Variants in MAGEA11 observed in about 807,000 individuals in gnomAD.
The protein encoded by MAGEA11 is MAGE family member A11.
Under a neutral mutation model 8.4 loss-of-function variants are expected in MAGEA11, and 1 was observed. The observed-to-expected ratio is 0.12, with a 90% CI of 0.04 to 0.57. The LOEUF (loss-of-function observed/expected upper bound fraction) is 0.57. Ranked by LOEUF, MAGEA11 falls within the 20% of genes least tolerant of loss-of-function variation. MAGEA11 has a pLI of 0.91. For missense variants in MAGEA11, 209 were observed against 317.3 expected (o/e 0.66, Z 2.59); for synonymous variants, 127 against 119.3 (o/e 1.06, Z -0.42).
In MAGEA11 at chrX:149,705,176, T is replaced by C. The variant is rs111221915; in HGVS notation, c.10-9305T>C. ...TTGGCACAGGGAAGAGCTGGTGATA[T>C]GGTTTGGCTCTGTGTCCCCACACAA... On this transcript the variant is annotated intron_variant, in intron 1 of 3. Transcript: ENST00000333104. Among the ~76,000 whole-genome samples, 250 of 112,460 alleles carry C rather than the reference T, an allele frequency of 2.2e-3. 1 individual carries two copies. Among genetic ancestry groups the C allele is most frequent in the African/African-American group, 7.7e-3 (237 of 30,952 alleles).
At chrX:149,700,782 T>C (rs1172848827) in intron 1 of MAGEA11, among the ~76,000 whole-genome samples, 15 of 102,408 alleles carry the variant, frequency 1.5e-4, no homozygotes, top group African/African-American at 5.3e-4. Context: ...GTTCTCATTG[T>C]TCAATTCCCA....
intron 1 of MAGEA11, among the ~76,000 whole-genome samples, chrX:149,701,833 C>G (rs1480719411): frequency 7.2e-5 from 8 of 111,454 alleles, no homozygotes; most frequent in African/African-American, 1.3e-4. Flanking sequence ...AATCCTTTCC[C>G]CATTGCTTGT....
chrX:149,696,994 CTTG>C (rs1557360595), intron 1 of MAGEA11, among the ~76,000 whole-genome samples: 1 of 111,812 alleles, frequency 8.9e-6, no homozygotes, highest in African/African-American at 3.3e-5. Context: ...TATTCACTAT[CTTG>C]TTGTCCTCTA....
At chrX:149,702,276 T>A (rs1242776159) in intron 1 of MAGEA11, among the ~76,000 whole-genome samples, 1 of 111,815 alleles carries the variant, frequency 8.9e-6, no homozygotes, top group African/African-American at 3.3e-5. Context: ...GTTTAAAGTC[T>A]CCAATAATTA....
chrX:149,707,006 A>G lies in MAGEA11; in HGVS notation c.10-7475A>G, dbSNP rs998785530. ...GCCCTGCCATGCTCACTTACCCAGG[A>G]TGTGAGGAGCACAAACCAGAAGCTG... On this transcript the variant is annotated intron_variant, in intron 1 of 3. Transcript: ENST00000333104. 3.5e-5 allele frequency among the ~76,000 whole-genome samples: 4 copies of G among 112,769 alleles called. No homozygotes were observed. The East Asian group carries it at 8.3e-4, about 24-fold the overall frequency.
chrX:149,694,762 C>T (rs1201276012), intron 1 of MAGEA11, among the ~76,000 whole-genome samples: 1 of 109,415 alleles, frequency 9.1e-6, no homozygotes, highest in Non-Finnish European at 1.9e-5. Flanking sequence ...ACCCTTGTTG[C>T]CCAGGCTGGA....
chrX:149,692,695 A>G (rs189263300), intron 1 of MAGEA11, among the ~76,000 whole-genome samples: 2 of 111,617 alleles, frequency 1.8e-5, no homozygotes, highest in African/African-American at 3.3e-5. Context: ...TTTCCACTAT[A>G]TTCTTTAACA....
At chrX:149,705,403 A>G (rs2090373058) in intron 1 of MAGEA11, among the ~76,000 whole-genome samples, 1 of 112,028 alleles carries the variant, frequency 8.9e-6, no homozygotes, top group Admixed American at 9.4e-5. Flanking sequence ...TCCACGTAAG[A>G]TGTGACTTGC....
At position 149,712,428 on chromosome X, in the gene MAGEA11, T is replaced by G. The variant is rs1267806531; in HGVS notation, c.-18+266T>G. Among the ~76,000 whole-genome samples the G allele has an allele frequency of 6.2e-5, 7 of 112,098 alleles. No homozygotes were observed. In the East Asian group the frequency reaches 2.0e-3, roughly 32 times the overall value. On this transcript the variant is annotated intron_variant, in intron 1 of 4. Coordinates refer to ENST00000355220, the MANE Select transcript of MAGEA11 (RefSeq NM_005366.5). ...ATGGAGAGGTTCCACCCCATCCTGA[T>G]AGAGGGGCCACAAAGTCCATCCTTG...
At position 149,715,681 on chromosome X, in the gene MAGEA11, A is replaced by G; in HGVS notation, c.266+4A>G. 1 of 1,196,902 alleles carries G rather than the reference A, an allele frequency of 8.4e-7. No homozygotes were observed. Among genetic ancestry groups the G allele is most frequent in the Non-Finnish European group, 1.1e-6 (1 of 882,202 alleles). On this transcript the variant is annotated splice_donor_region_variant and intron_variant, in intron 4 of 4. Coordinates refer to ENST00000355220, the MANE Select transcript of MAGEA11 (RefSeq NM_005366.5). ...GGATCACTGGAGGAGAACAAGTGTAAGTAGGCCTTTGTTAGATTCTCCATG... is the reference window on the plus strand; with the variant it reads ...GGATCACTGGAGGAGAACAAGTGTAGGTAGGCCTTTGTTAGATTCTCCATG...
chrX:149,710,567 G>A (rs2090395265), upstream of MAGEA11, among the ~76,000 whole-genome samples: 1 of 111,231 alleles, frequency 9.0e-6, no homozygotes, highest in African/African-American at 3.3e-5. Flanking sequence ...TCCCACCTTA[G>A]CCTCCCTACC....
intron 1 of MAGEA11, among the ~76,000 whole-genome samples, chrX:149,690,949 T>C (rs782305853): frequency 2.1e-4 from 24 of 112,257 alleles, no homozygotes; most frequent in Admixed American, 6.6e-4. Context: ...TTTCCTTCAA[T>C]ATTTAAATAT....
chrX:149,693,221 G>A (rs1426529073), intron 1 of MAGEA11, among the ~76,000 whole-genome samples: 2 of 112,242 alleles, frequency 1.8e-5, no homozygotes, highest in Non-Finnish European at 3.8e-5. Context: ...GTCCTCATGT[G>A]TAGAAGAACA....
chrX:149,691,380 T>G lies in MAGEA11; in HGVS notation c.9+2396T>G, dbSNP rs1317434462. ...ATTATTGATCCTAATTTCTGCTTTT[T>G]TACAAAATTGGTCATTGTGATTGGA... On this transcript the variant is annotated intron_variant, in intron 1 of 3. Coordinates refer to the MAGEA11 transcript ENST00000333104. 4.5e-5 allele frequency among the ~76,000 whole-genome samples: 5 copies of G among 112,030 alleles called. No homozygotes were observed. The East Asian group carries it at 1.4e-3, about 31-fold the overall frequency.
At chrX:149,688,367 T>G (rs1877004772), upstream of MAGEA11, 1 of 112,496 alleles carries the variant, frequency 8.9e-6, no homozygotes, top group Admixed American at 9.3e-5. Flanking sequence ...ATGGCTTGTC[T>G]TAGGGAGAAA....
At chrX:149,714,268 T>G in intron 2 of MAGEA11, 1 of 499,300 alleles carries the variant, frequency 2.0e-6, no homozygotes, top group Non-Finnish European at 3.1e-6. Flanking sequence ...TTCAGGGAGA[T>G]GAGGTCTTGG....
At chrX:149,688,657 C>CATATACACATACAT (rs2090296800), upstream of MAGEA11, among the ~76,000 whole-genome samples, 2 of 98,800 alleles carry the variant, frequency 2.0e-5, no homozygotes, top group African/African-American at 7.7e-5. Flanking sequence ...TACATATACA[C>CATATACACATACAT]ATACATATAC....
chrX:149,695,211 T>C (rs1488439989), intron 1 of MAGEA11, among the ~76,000 whole-genome samples: 1 of 111,610 alleles, frequency 9.0e-6, no homozygotes, highest in Non-Finnish European at 1.9e-5. Context: ...AATTGTCTCA[T>C]TTTTTCTCTT....
At chrX:149,693,190 T>G (rs1157403265) in intron 1 of MAGEA11, among the ~76,000 whole-genome samples, 1 of 112,552 alleles carries the variant, frequency 8.9e-6, no homozygotes, top group Non-Finnish European at 1.9e-5. Flanking sequence ...TTTTGTATTT[T>G]ATAATTTTTA....
Sources: gnomAD v4.1 joint callset for allele counts (sites outside exome capture counted in the v4.1 genomes callset) on GRCh38, gnomAD v4.1.1 for gene constraint, MANE v1.5 for transcripts, NCBI Gene and HGNC (gene_info 2026-07-23, HGNC 2026-07-21) for gene names.